Variants in SV2B observed in about 807,000 individuals in gnomAD.
SV2B encodes the protein synaptic vesicle glycoprotein 2B.
Under a neutral mutation model 73.9 loss-of-function variants are expected in SV2B, and 41 were observed. That is an observed-to-expected ratio of 0.56 (90% CI 0.43 to 0.72). The LOEUF (loss-of-function observed/expected upper bound fraction) is 0.72. SV2B is among the 30% of genes least tolerant of loss of function. The probability of loss-of-function intolerance (pLI) is 0.00; values close to 1 mark genes in which losing one functional copy is unlikely to be tolerated. For missense variants in SV2B, 764 were observed against 857.8 expected, an observed-to-expected ratio of 0.89 and a Z score of 1.37; for synonymous variants, 314 against 314.2, an observed-to-expected ratio of 1.00 and a Z score of 0.01.
intron 2 of SV2B, among the ~76,000 whole-genome samples, chr15:91,246,117 G>A (rs992747): frequency 0.11 from 16,162 of 149,970 alleles, 890 homozygotes; most frequent in Middle Eastern, 0.12. Context: ...AGGAAACTTC[G>A]AAAATATTTT....
chr15:91,294,516 G>A lies in SV2B; in HGVS notation c.*1964G>A, dbSNP rs1020192418. 1 of 151,652 alleles carries A rather than the reference G, an allele frequency of 6.6e-6. No individual in the cohort carries two copies. The allele number at this position is 151,652 out of a possible 1,614,324, so 9.4% of individuals were successfully genotyped here. On this transcript the variant is annotated 3_prime_UTR_variant, in exon 13 of 13. Coordinates refer to ENST00000394232, the MANE Select transcript of SV2B (RefSeq NM_001323032.3). This position sits in a 1 kb window ranked among gnomAD's most constrained non-coding sequence, Gnocchi z 4.1. ...TTTTATAGGAGTACTAACATTTATT[G>A]CTCTGTCAATAATGAAAGGCTCGAT...
At chr15:91,248,333 CA>C (rs1345580838) in intron 2 of SV2B, among the ~76,000 whole-genome samples, 20 of 152,150 alleles carry the variant, frequency 1.3e-4, no homozygotes, top group Non-Finnish European at 2.8e-4. Flanking sequence ...AACAAACAAA[CA>C]AAAAAATGCC....
chr15:91,126,392 C>A (rs184194162), intron 1 of SV2B, among the ~76,000 whole-genome samples: 6 of 152,290 alleles, frequency 3.9e-5, no homozygotes, highest in African/African-American at 1.4e-4. Context: ...GCTCTCCTTG[C>A]AGATAAGTAA....
At chr15:91,156,718 A>G (rs1340353468) in intron 1 of SV2B, among the ~76,000 whole-genome samples, 2 of 152,230 alleles carry the variant, frequency 1.3e-5, no homozygotes, top group African/African-American at 4.8e-5. Flanking sequence ...ATCATTTTCT[A>G]TCAATTTAGA....
chr15:91,245,014 T>C lies in SV2B; in HGVS notation c.452-6805T>C, dbSNP rs1029172649. Among the ~76,000 whole-genome samples the C allele has an allele frequency of 2.3e-4, 35 of 152,242 alleles. 1 individual carries two copies. The highest frequency in any genetic ancestry group is 8.0e-4 in the African/African-American group (33 of 41,468). On this transcript the variant is annotated intron_variant, in intron 2 of 12. Coordinates refer to ENST00000394232, the MANE Select transcript of SV2B (RefSeq NM_001323032.3). The surrounding 1 kb of genome is among the most constrained non-coding windows in gnomAD (Gnocchi z 4.2). ...AGGTTAGAAGTGGTTTATTTGTCTT[T>C]GGTTAATTGCTAAATAAAGAAGCTC...
chr15:91,144,215 T>C (rs2043080692), intron 1 of SV2B, among the ~76,000 whole-genome samples: 1 of 152,206 alleles, frequency 6.6e-6, no homozygotes, highest in Admixed American at 6.5e-5. Context: ...CTGGCTGATA[T>C]ATGTACTTAC....
chr15:91,292,753 A>C lies in SV2B; in HGVS notation c.*201A>C. ...GACTGATTTGGGGGTGCCCTGAGCC[A>C]CCCTTAGAATCACAGAGCTGCGTGT... On this transcript the variant is annotated 3_prime_UTR_variant, in exon 13 of 13. Transcript: ENST00000394232. 1.8e-6 allele frequency: 1 copy of C among 553,542 alleles called. No homozygotes were observed. Among genetic ancestry groups the C allele is most frequent in the Non-Finnish European group, 3.0e-6 (1 of 331,998 alleles). The allele number at this position is 553,542 out of a possible 1,614,324, so 34.3% of individuals were successfully genotyped here. A position where few individuals can be genotyped will look rare whatever the true frequency, so the allele number is the denominator to read the frequency against.
chr15:91,247,240 A>G (rs1447494549), intron 2 of SV2B, among the ~76,000 whole-genome samples: 1 of 152,212 alleles, frequency 6.6e-6, no homozygotes, highest in Non-Finnish European at 1.5e-5. Flanking sequence ...CTCGGCCAGC[A>G]TTGAGGTTCT....
rs989646803 is a variant in SV2B, at chr15:91,290,153, A to G, written c.1868+473A>G. Among the ~76,000 whole-genome samples the G allele has an allele frequency of 6.6e-6, 1 of 152,152 alleles. No individual in the cohort carries two copies. Among genetic ancestry groups the G allele is most frequent in the Non-Finnish European group, 1.5e-5 (1 of 68,030 alleles). On this transcript the variant is annotated intron_variant, in intron 12 of 12. Coordinates refer to ENST00000394232, the MANE Select transcript of SV2B (RefSeq NM_001323032.3). This position sits in a 1 kb window ranked among gnomAD's most constrained non-coding sequence, Gnocchi z 4.7. ...TACTTTTATTTTGCACAGGTCGTAT[A>G]TGGGAAGAGGCCTTGTTTAAAGGCA...
Position 91,210,395 on chromosome 15 carries a change from T to A in SV2B, c.-391-15478T>A, listed in dbSNP as rs1055548959. ...TGCGGAGAGTACAGATGGCAGGCAA[T>A]CCTAGAGGACAGGGAATTTCCACGG... is the stretch of plus-strand genomic sequence containing the variant. On this transcript the variant is annotated intron_variant, in intron 1 of 12. Transcript: ENST00000394232. Among the ~76,000 whole-genome samples the A allele has an allele frequency of 3.3e-5, 5 of 151,904 alleles. No individual in the cohort carries two copies. In the South Asian group the frequency reaches 1.0e-3, roughly 32 times the overall value.
At chr15:91,158,515 G>A (rs1028715105) in intron 1 of SV2B, among the ~76,000 whole-genome samples, 1 of 151,842 alleles carries the variant, frequency 6.6e-6, no homozygotes, top group African/African-American at 2.4e-5. Context: ...GTTGTAGTCA[G>A]TGTACATGAT....
At chr15:91,133,573 G>A (rs1462753901) in intron 1 of SV2B, among the ~76,000 whole-genome samples, 1 of 152,064 alleles carries the variant, frequency 6.6e-6, no homozygotes, top group Non-Finnish European at 1.5e-5. Context: ...GCCCTGTGAG[G>A]GTCTGCAGAA....
rs557757090 is a variant in SV2B at position 91,160,995 on chromosome 15, C to T, written c.-392+60632C>T. ...CTCAGCAACAAAAAGAACAGAACCA[C>T]GGATGCGTGCAGCCCCACGGATTAA... On this transcript the variant is annotated intron_variant, in intron 1 of 12. Coordinates refer to ENST00000394232, the MANE Select transcript of SV2B (RefSeq NM_001323032.3). 4.0e-5 allele frequency among the ~76,000 whole-genome samples: 6 copies of T among 151,766 alleles called. No homozygotes were observed. In the East Asian group the frequency reaches 5.9e-4, roughly 15 times the overall value.
rs2042965918 is a variant in SV2B, at chr15:91,140,458, A to ATATC, written c.-392+40097_-392+40100dup. On this transcript the variant is annotated intron_variant, in intron 1 of 12. Transcript: ENST00000394232. The surrounding 1 kb of genome is among the most constrained non-coding windows in gnomAD (Gnocchi z 4.4). ...CTCAAAGGAAGCTTTAATTAGGTGT[A>ATATC]TATCTCTCCTGTGTGCCAATTCGTG... is the stretch of plus-strand genomic sequence containing the variant. Among the ~76,000 whole-genome samples, 1 of 152,212 alleles carries ATATC rather than the reference A, an allele frequency of 6.6e-6. No homozygotes were observed. Among genetic ancestry groups the ATATC allele is most frequent in the Non-Finnish European group, 1.5e-5 (1 of 68,032 alleles).
At chr15:91,135,620 C>G (rs778244427) in intron 1 of SV2B, among the ~76,000 whole-genome samples, 1 of 152,144 alleles carries the variant, frequency 6.6e-6, no homozygotes, top group African/African-American at 2.4e-5. Flanking sequence ...ATATGAAAAT[C>G]GAAACCATGA....
chr15:91,189,360 A>G, intron 1 of SV2B, among the ~76,000 whole-genome samples: 1 of 152,060 alleles, frequency 6.6e-6, no homozygotes, highest in East Asian at 1.9e-4. Flanking sequence ...CATAAAATAT[A>G]TGTATTGTTT....
rs1484013706 is a variant in SV2B at position 91,122,395 on chromosome 15, G to C, written c.-392+22032G>C. 3.9e-5 allele frequency among the ~76,000 whole-genome samples: 6 copies of C among 152,202 alleles called. No individual in the cohort carries two copies. Among genetic ancestry groups the C allele is most frequent in the African/African-American group, 1.2e-4 (5 of 41,452 alleles). On this transcript the variant is annotated intron_variant, in intron 1 of 12. Coordinates refer to ENST00000394232, the MANE Select transcript of SV2B (RefSeq NM_001323032.3). The surrounding 1 kb of genome is among the most constrained non-coding windows in gnomAD (Gnocchi z 4.3). The stretch of plus-strand genomic sequence containing the variant: ...ACAGTCTAGAAAGCAGGAATGGCTG[G>C]GGTTGATTTCCCTGTCTGAATAATT...
At chr15:91,182,089 A>T (rs1159361016) in intron 1 of SV2B, among the ~76,000 whole-genome samples, 1 of 152,204 alleles carries the variant, frequency 6.6e-6, no homozygotes, top group Non-Finnish European at 1.5e-5. Flanking sequence ...GCCTTCTGAT[A>T]AAAAGTGCAT....
intron 1 of SV2B, among the ~76,000 whole-genome samples, chr15:91,155,397 A>T (rs2043453172): frequency 6.6e-6 from 1 of 152,226 alleles, no homozygotes; most frequent in Non-Finnish European, 1.5e-5. Flanking sequence ...CCTGGTCACC[A>T]GCATGTGGCT....
Sources: gnomAD v4.1 joint callset for allele counts (sites outside exome capture counted in the v4.1 genomes callset) on GRCh38, gnomAD v4.1.1 for gene constraint, Gnocchi (gnomAD v3.1) non-coding constraint, MANE v1.5 for transcripts, NCBI Gene and HGNC (gene_info 2026-07-23, HGNC 2026-07-21) for gene names.